POU6F2: variants seen among roughly 807,000 people sequenced by gnomAD.
POU6F2 encodes the protein POU class 6 homeobox 2, also known as POU domain, class 6, transcription factor 2.
In POU6F2, 31 loss-of-function variants were observed where a neutral mutation model predicts 71.3. That is an observed-to-expected ratio of 0.43 (90% CI 0.33 to 0.59). The LOEUF is 0.59. Among genes scored for constraint, POU6F2 ranks in the 20% least tolerant of loss-of-function variants. POU6F2 has a pLI of 0.04. For missense variants in POU6F2, 783 were observed against 856.8 expected (o/e 0.91, Z 1.07); for synonymous variants, 347 against 355.7 (o/e 0.98, Z 0.27).
intron 5 of POU6F2, among the ~76,000 whole-genome samples, chr7:39,382,432 GA>G (rs1179472619): frequency 1.3e-5 from 2 of 152,278 alleles, no homozygotes; most frequent in African/African-American, 4.8e-5. Context: ...AGACCTAGAG[GA>G]ACCGAGGCAG....
At chr7:39,344,940 A>G (rs542765002) in intron 5 of POU6F2, among the ~76,000 whole-genome samples, 1 of 152,294 alleles carries the variant, frequency 6.6e-6, no homozygotes, top group East Asian at 1.9e-4. Flanking sequence ...CCTAGCCAGG[A>G]CTGAGATGAT....
intron 8 of POU6F2, 115 bp downstream of exon 8, chr7:39,451,816 T>C: frequency 7.7e-7 from 1 of 1,302,506 alleles, no homozygotes; most frequent in Non-Finnish European, 1.1e-6. Flanking sequence ...CTCTCAACCC[T>C]GCACAGGAAT....
At chr7:39,182,079 A>C (rs771237377) in intron 2 of POU6F2, among the ~76,000 whole-genome samples, 2 of 152,230 alleles carry the variant, frequency 1.3e-5, no homozygotes, top group Non-Finnish European at 2.9e-5. Flanking sequence ...AGAAGATTTC[A>C]ATTTTTTTAC....
chr7:39,331,787 A>C lies in POU6F2; in HGVS notation c.599-7855A>C, dbSNP rs1387804187. Among the ~76,000 whole-genome samples, 8 of 152,366 alleles carry C rather than the reference A, an allele frequency of 5.3e-5. No individual in the cohort carries two copies. The East Asian group carries it at 1.4e-3, about 26-fold the overall frequency. On this transcript the variant is annotated intron_variant, in intron 4 of 9. Coordinates refer to ENST00000518318, the MANE Select transcript of POU6F2 (RefSeq NM_001370959.1). The stretch of plus-strand genomic sequence containing the variant: ...CGGCCTCCCAGAGTGTTGGGATTAC[A>C]GGCGTGAGCCACCGCGCCCGGCCTC...
Position 39,114,687 on chromosome 7 carries a change from A to G in POU6F2, c.277+28656A>G, listed in dbSNP as rs1791893569. ...GGTCAGGTGCCAAATTACAGTTTTT[A>G]TACCATAAAAATGAAGTTGTTAAAC... is the stretch of plus-strand genomic sequence containing the variant. On this transcript the variant is annotated intron_variant, in intron 2 of 9. Transcript: ENST00000518318. Among the ~76,000 whole-genome samples the G allele has an allele frequency of 2.0e-5, 3 of 152,206 alleles. No homozygotes were observed. The South Asian group carries it at 6.2e-4, about 31-fold the overall frequency.
intron 4 of POU6F2, among the ~76,000 whole-genome samples, chr7:39,249,852 C>A (rs2128752622): frequency 6.6e-6 from 1 of 152,244 alleles, no homozygotes; most frequent in East Asian, 1.9e-4. Context: ...TGCATCAAAC[C>A]TGCAGTATTG....
intron 4 of POU6F2, among the ~76,000 whole-genome samples, chr7:39,210,465 G>A (rs1794118212): frequency 6.6e-6 from 1 of 152,148 alleles, no homozygotes; most frequent in African/African-American, 2.4e-5. Context: ...TCAGGGATAA[G>A]TTTTCAAATA....
chr7:39,313,203 A>G (rs1164843697), intron 4 of POU6F2, among the ~76,000 whole-genome samples: 1 of 151,512 alleles, frequency 6.6e-6, no homozygotes, highest in Non-Finnish European at 1.5e-5. Flanking sequence ...CTCCAGCCTC[A>G]CTTCCCTCCT....
intron 1 of POU6F2, among the ~76,000 whole-genome samples, chr7:39,047,888 A>G (rs776839793): frequency 3.3e-5 from 5 of 151,944 alleles, no homozygotes; most frequent in Non-Finnish European, 7.4e-5. Context: ...GGTATAAAAT[A>G]TGTTTAAACT....
At chr7:39,194,823 C>T (rs1793749617) in intron 2 of POU6F2, among the ~76,000 whole-genome samples, 3 of 152,086 alleles carry the variant, frequency 2.0e-5, no homozygotes, top group African/African-American at 7.2e-5. Flanking sequence ...AGCGAGACCA[C>T]GAACCCCCCC....
At chr7:39,230,449 A>C (rs1389672375) in intron 4 of POU6F2, among the ~76,000 whole-genome samples, 3 of 151,662 alleles carry the variant, frequency 2.0e-5, no homozygotes, top group Non-Finnish European at 4.4e-5. Context: ...ACACCACTAC[A>C]CTCCAGCCTG....
intron 2 of POU6F2, among the ~76,000 whole-genome samples, chr7:39,129,405 T>C (rs571167267): frequency 2.2e-4 from 34 of 152,336 alleles, no homozygotes; most frequent in Middle Eastern, 3.4e-3. Context: ...TACATTGTTA[T>C]GTAGGAAAAC....
intron 2 of POU6F2, among the ~76,000 whole-genome samples, chr7:39,190,839 T>C (rs1793649176): frequency 6.6e-6 from 1 of 152,052 alleles, no homozygotes; most frequent in South Asian, 2.1e-4. Flanking sequence ...GGTTTCACCA[T>C]GTTGGTCAGG....
chr7:39,223,220 G>A (rs1794403004), intron 4 of POU6F2, among the ~76,000 whole-genome samples: 1 of 152,142 alleles, frequency 6.6e-6, no homozygotes, highest in Non-Finnish European at 1.5e-5. Flanking sequence ...TCACATTCAA[G>A]TATGATATCA....
At chr7:39,050,720 A>T (rs1790385661) in intron 1 of POU6F2, among the ~76,000 whole-genome samples, 1 of 152,084 alleles carries the variant, frequency 6.6e-6, no homozygotes. Flanking sequence ...TTTTCCTCCT[A>T]CACTTAAGCT....
chr7:39,173,916 T>A (rs10244776), intron 2 of POU6F2, among the ~76,000 whole-genome samples: 63,123 of 152,122 alleles, frequency 0.41, 13,652 homozygotes, highest in African/African-American at 0.51. Flanking sequence ...AGTGGAAATT[T>A]AGGGCTATTC....
chr7:39,453,202 G>T (rs1378477056), intron 8 of POU6F2, among the ~76,000 whole-genome samples: 1 of 152,062 alleles, frequency 6.6e-6, no homozygotes, highest in African/African-American at 2.4e-5. Flanking sequence ...TCCATCAACT[G>T]TATTTTAGGT....
At chr7:39,243,555 T>A (rs945153862) in intron 4 of POU6F2, among the ~76,000 whole-genome samples, 4 of 152,164 alleles carry the variant, frequency 2.6e-5, no homozygotes, top group African/African-American at 7.2e-5. Flanking sequence ...AGAAAAAATA[T>A]AACAAAAAGC....
chr7:39,312,740 G>A (rs1381478517), intron 4 of POU6F2, among the ~76,000 whole-genome samples: 2 of 152,164 alleles, frequency 1.3e-5, no homozygotes, highest in Non-Finnish European at 2.9e-5. Flanking sequence ...TTGAACACAA[G>A]CACTGCGATA....
Sources: allele counts gnomAD v4.1 joint callset (sites outside exome capture counted in the v4.1 genomes callset), GRCh38; gene constraint gnomAD v4.1.1; transcripts MANE v1.5; gene names NCBI Gene and HGNC (gene_info 2026-07-23, HGNC 2026-07-21).